CREB3L1: variants seen among roughly 807,000 people sequenced by gnomAD.
CREB3L1 encodes cyclic AMP-responsive element-binding protein 3-like protein 1.
CREB3L1 carries 33 observed loss-of-function variants against 54.5 expected under a neutral mutation model. The ratio of observed to expected loss-of-function variants is 0.61; its 90% CI spans 0.46 to 0.81. CREB3L1 has a LOEUF of 0.81. CREB3L1 is among the 30% of genes least tolerant of loss of function. The pLI is 0.00. For missense variants in CREB3L1, 656 were observed against 673.3 expected (o/e 0.97, Z 0.29); for synonymous variants, 284 against 286.4 (o/e 0.99, Z 0.08).
chr11:46,286,791 C>G (rs1278089409), intron 1 of CREB3L1, among the ~76,000 whole-genome samples: 1 of 151,516 alleles, frequency 6.6e-6, no homozygotes, highest in Non-Finnish European at 1.5e-5. Flanking sequence ...TCTCAAAAAA[C>G]AAACAGACAA....
At chr11:46,317,583 G>A (rs978702415) in intron 10 of CREB3L1, 96 bp downstream of exon 10, 2 of 1,477,404 alleles carry the variant, frequency 1.4e-6, no homozygotes, top group Admixed American at 3.9e-5. Context: ...GAGAAGCCAA[G>A]TGTGGGGTCA....
chr11:46,300,625 T>C (rs934902360), intron 2 of CREB3L1, among the ~76,000 whole-genome samples: 3 of 151,418 alleles, frequency 2.0e-5, no homozygotes, highest in Non-Finnish European at 2.9e-5. Flanking sequence ...TCCCTGCACA[T>C]TGGGAGGCCG....
At chr11:46,310,331 G>A (rs1215541325) in intron 4 of CREB3L1, among the ~76,000 whole-genome samples, 2 of 151,994 alleles carry the variant, frequency 1.3e-5, no homozygotes, top group African/African-American at 4.8e-5. Flanking sequence ...ACCATGGCAC[G>A]ATCTCAGCTC....
intron 2 of CREB3L1, among the ~76,000 whole-genome samples, chr11:46,307,116 C>T (rs1157282576): frequency 6.6e-6 from 1 of 152,016 alleles, no homozygotes; most frequent in Non-Finnish European, 1.5e-5. Flanking sequence ...TGGACTCAAG[C>T]GATCCACCTG....
chr11:46,296,170 TC>T (rs1939207890), intron 1 of CREB3L1, among the ~76,000 whole-genome samples: 1 of 151,922 alleles, frequency 6.6e-6, no homozygotes, highest in South Asian at 2.1e-4. Context: ...CATCGGACAA[TC>T]TAAACCTGAA....
intron 7 of CREB3L1, 44 bp downstream of exon 7, chr11:46,312,714 C>T (rs111276352): frequency 3.5e-5 from 55 of 1,579,786 alleles, no homozygotes; most frequent in African/African-American, 1.1e-4. Flanking sequence ...CCTTGCCTGA[C>T]CTGCCCTCCC....
chr11:46,293,617 G>A (rs1394257433), intron 1 of CREB3L1, among the ~76,000 whole-genome samples: 1 of 152,200 alleles, frequency 6.6e-6, no homozygotes, highest in Non-Finnish European at 1.5e-5. Context: ...AGCACACACT[G>A]GCAAAGAAAA....
intron 1 of CREB3L1, among the ~76,000 whole-genome samples, chr11:46,297,549 C>T (rs1939231527): frequency 6.7e-6 from 1 of 148,596 alleles, no homozygotes; most frequent in African/African-American, 2.5e-5. Context: ...GCGCCCTTGG[C>T]CTCAGTTTCT....
At chr11:46,296,385 C>A (rs1165289666) in intron 1 of CREB3L1, among the ~76,000 whole-genome samples, 1 of 152,090 alleles carries the variant, frequency 6.6e-6, no homozygotes, top group Non-Finnish European at 1.5e-5. Flanking sequence ...ACTTTGCAGC[C>A]CCGGACATCA....
chr11:46,319,509 G>A (rs1039028731), intron 10 of CREB3L1, among the ~76,000 whole-genome samples: 15 of 152,180 alleles, frequency 9.9e-5, no homozygotes, highest in African/African-American at 3.6e-4. Context: ...TCCAACAAAT[G>A]TTTGTTTTCC....
intron 1 of CREB3L1, among the ~76,000 whole-genome samples, chr11:46,297,901 G>A (rs1256983550): frequency 2.0e-5 from 3 of 152,186 alleles, no homozygotes; most frequent in Non-Finnish European, 4.4e-5. Flanking sequence ...TCACTCTGTA[G>A]CAGGCACTGT....
intron 1 of CREB3L1, among the ~76,000 whole-genome samples, chr11:46,281,012 C>T (rs565855623): frequency 1.3e-5 from 2 of 152,332 alleles, no homozygotes; most frequent in Admixed American, 6.5e-5. Context: ...GCAAGAAATA[C>T]GCATGCACTT....
intron 5 of CREB3L1, 72 bp downstream of exon 5, chr11:46,311,261 C>G: frequency 7.1e-7 from 1 of 1,413,206 alleles, no homozygotes; most frequent in South Asian, 1.5e-5. Flanking sequence ...ACTGGCCAGT[C>G]AGGAGGGTTT....
intron 5 of CREB3L1, among the ~76,000 whole-genome samples, chr11:46,312,069 G>A (rs1008095856): frequency 6.6e-6 from 1 of 152,080 alleles, no homozygotes; most frequent in Admixed American, 6.6e-5. Context: ...AAGCTTTGAG[G>A]GTGCAGTCTC....
chr11:46,320,920 C>A lies in CREB3L1; in HGVS notation c.*174C>A. ...TGACATTTGGACTCTTCCCTTGGGC[C>A]GACCACTCTGTTCTCATTCTCCTTC... On this transcript the variant is annotated 3_prime_UTR_variant, in exon 12 of 12. Coordinates refer to ENST00000621158, the MANE Select transcript of CREB3L1 (RefSeq NM_052854.4). The A allele has an allele frequency of 1.3e-6, 1 of 744,608 alleles. No homozygotes were observed. Among genetic ancestry groups the A allele is most frequent in the Non-Finnish European group, 2.4e-6 (1 of 420,078 alleles). The allele number at this position is 744,608 out of a possible 1,614,324, so 46.1% of individuals were successfully genotyped here. A position where few individuals can be genotyped will look rare whatever the true frequency, so the allele number is the denominator to read the frequency against.
rs138236749 is a variant in CREB3L1, at chr11:46,286,646, G to A, written c.102+8433G>A. 4.2e-3 allele frequency among the ~76,000 whole-genome samples: 633 copies of A among 152,044 alleles called. 3 individuals are homozygous for A. Among genetic ancestry groups the A allele is most frequent in the African/African-American group, 0.014 (573 of 41,480 alleles). On this transcript the variant is annotated intron_variant, in intron 1 of 11. Transcript: ENST00000621158. ...CTAAAAATACAAAAATTAGCCAGGC[G>A]TGGTGGCGGGAGCCTGTAATCCCAG...
chr11:46,310,951 G>A (rs990709388), intron 4 of CREB3L1, 81 bp from the exon 5 acceptor site: 2 of 1,473,334 alleles, frequency 1.4e-6, no homozygotes. Flanking sequence ...GCTGGTGCAA[G>A]CTCATGCTCA....
chr11:46,279,469 A>G (rs1938934809), intron 1 of CREB3L1, among the ~76,000 whole-genome samples: 1 of 152,200 alleles, frequency 6.6e-6, no homozygotes, highest in African/African-American at 2.4e-5. Context: ...CAGAGAGAGC[A>G]TAATTCAGCA....
intron 1 of CREB3L1, among the ~76,000 whole-genome samples, chr11:46,287,391 C>T (rs903523066): frequency 1.1e-4 from 16 of 152,144 alleles, no homozygotes; most frequent in African/African-American, 3.6e-4. Flanking sequence ...CTCAACCTCC[C>T]GGACTCAAGT....
Sources: allele counts gnomAD v4.1 joint callset (sites outside exome capture counted in the v4.1 genomes callset), GRCh38; gene constraint gnomAD v4.1.1; transcripts MANE v1.5; gene names NCBI Gene and HGNC (gene_info 2026-07-23, HGNC 2026-07-21).